SPOCD1: variants seen among roughly 807,000 people sequenced by gnomAD.
SPOCD1 encodes SPOC domain-containing protein 1.
SPOCD1 carries 64 observed loss-of-function variants against 92.2 expected under a neutral mutation model. The observed-to-expected ratio is 0.69, with a 90% confidence interval of 0.57 to 0.86. SPOCD1 has a LOEUF of 0.86. SPOCD1 is among the 40% of genes least tolerant of loss of function. SPOCD1 has a pLI of 0.00. For missense variants in SPOCD1, 1,360 were observed against 1,543.1 expected (o/e 0.88, Z 1.99); for synonymous variants, 578 against 619.3 (o/e 0.93, Z 0.99).
chr1:31,804,783 G>T, intron 2 of SPOCD1, among the ~76,000 whole-genome samples: 1 of 151,874 alleles, frequency 6.6e-6, no homozygotes, highest in East Asian at 1.9e-4. Context: ...TAATAACAGT[G>T]TGTAATTTGG....
intron 15 of SPOCD1, chr1:31,792,008 T>C: frequency 1.6e-6 from 1 of 609,328 alleles, no homozygotes; most frequent in East Asian, 2.8e-5. Context: ...AGAATTCATC[T>C]AGGTAAAGCT....
At position 31,805,048 on chromosome 1, in the gene SPOCD1, CT is replaced by C. The variant is rs1648728668; in HGVS notation, c.1384-3344del. 2.3e-5 allele frequency among the ~76,000 whole-genome samples: 3 copies of C among 132,872 alleles called. No individual in the cohort carries two copies. The Admixed American group carries it at 2.7e-4, about 12-fold the overall frequency. The allele number at this position is 132,872 out of a possible 152,430, so 87.2% of individuals were successfully genotyped here. On this transcript the variant is annotated intron_variant, in intron 2 of 15. Coordinates refer to ENST00000360482, the MANE Select transcript of SPOCD1 (RefSeq NM_144569.7). ...CGAGGCTGGAATGCAGTGGCATGAT[CT>C]TGGCTCACTGCAACCTCCACTTCCC...
rs865802958 is a variant in SPOCD1, at chr1:31,806,360, G to A, written c.1384-4655C>T. Among the ~76,000 whole-genome samples, 33 of 152,028 alleles carry A rather than the reference G, an allele frequency of 2.2e-4. 1 individual carries two copies. In the Middle Eastern group the frequency reaches 0.01, roughly 47 times the overall value. The stretch of plus-strand genomic sequence containing the variant: ...ATATATAAAAATTGAGCAAAGCCTG[G>A]GCCAAAAAGCAAATATCAACAAATT... On this transcript the variant is annotated intron_variant, in intron 2 of 15. Coordinates refer to ENST00000360482, the MANE Select transcript of SPOCD1 (RefSeq NM_144569.7).
intron 2 of SPOCD1, among the ~76,000 whole-genome samples, chr1:31,806,279 G>A (rs34021792): frequency 0.022 from 3,397 of 152,014 alleles, 51 homozygotes; most frequent in Non-Finnish European, 0.032. Context: ...AAATATATAC[G>A]GAATATTAAT....
At position 31,814,860 on chromosome 1, in the gene SPOCD1, C is replaced by G; in HGVS notation, c.474G>C (p.Glu158Asp). Residue 158 changes from glutamate (E) to aspartate (D), a missense_variant, in exon 2 of 16, where the codon GAG (glutamate) becomes GAC (aspartate). Glu to Asp is a conservative substitution (Grantham distance 45, BLOSUM62 2). Around this residue, in one of 3 missense-constraint regions of SPOCD1, gnomAD observed 606 missense variants for 601.5 expected, o/e 1.01. Transcript: ENST00000360482. This position sits in a 1 kb window ranked among gnomAD's most constrained non-coding sequence, Gnocchi z 4.2. Reference protein sequence around the residue: ...ACRERLAGVEEVSCLRPREAR... With the variant: ...ACRERLAGVEDVSCLRPREAR... ...CCTCCCTGGGCCTGAGGCAGCTCAC[C>G]TCCTCCACTCCTGCAAGCCTCTCCC... 6.2e-7 allele frequency: 1 copy of G among 1,613,412 alleles called. No homozygotes were observed. The highest frequency in any genetic ancestry group is 8.5e-7 in the Non-Finnish European group (1 of 1,179,902).
chr1:31,807,697 T>C (rs1196950852), intron 2 of SPOCD1, among the ~76,000 whole-genome samples: 1 of 151,538 alleles, frequency 6.6e-6, no homozygotes, highest in Non-Finnish European at 1.5e-5. Context: ...AAACATATAG[T>C]GGAGAGGATG....
rs780255248 is a variant in SPOCD1 at position 31,814,203 on chromosome 1, C to A, written c.1131G>T (p.Glu377Asp). Reference sequence around the variant, plus strand: ...TGTCAGCGGGGGCAGCGAGTCCTTGCTCCAGCCTTCCCCTGGAAGCTGGCT... The same window carrying A: ...TGTCAGCGGGGGCAGCGAGTCCTTGATCCAGCCTTCCCCTGGAAGCTGGCT... The part of the protein sequence containing the change: ...KAQPASRGRL[E>D]QGLAAPADTC... The change falls in exon 2 of 16, where the codon GAG becomes GAT. Residue 377 changes from glutamate to aspartate, a missense_variant. Around this residue, in one of 3 missense-constraint regions of SPOCD1, gnomAD observed 606 missense variants for 601.5 expected, o/e 1.01. Coordinates refer to ENST00000360482, the MANE Select transcript of SPOCD1 (RefSeq NM_144569.7). This position sits in a 1 kb window ranked among gnomAD's most constrained non-coding sequence, Gnocchi z 4.2. 5 of 1,574,848 alleles carry A rather than the reference C, an allele frequency of 3.2e-6. No individual in the cohort carries two copies. In the East Asian group the frequency reaches 1.1e-4, roughly 36 times the overall value.
Position 31,796,713 on chromosome 1 carries a change from G to A in SPOCD1, c.2148C>T (p.Gly716=), listed in dbSNP as rs1648055769. ...TCTGTTGCTGCTCAATGATATTCAG[G>A]CCCTGAAGAGGTGGAGCAGGCCAAG... ...ARWRDQEEKR[G]LNIIEQQQKE... The change falls in exon 10 of 16, where the codon GGC becomes GGT. Residue 716 remains glycine, a splice_region_variant and synonymous_variant. Transcript: ENST00000360482. The A allele has an allele frequency of 4.3e-6, 7 of 1,614,068 alleles. No homozygotes were observed. The highest frequency in any genetic ancestry group is 5.9e-6 in the Non-Finnish European group (7 of 1,180,046).
intron 11 of SPOCD1, 62 bp from the exon 12 acceptor site, chr1:31,793,959 G>A: frequency 6.4e-7 from 1 of 1,567,022 alleles, no homozygotes; most frequent in Non-Finnish European, 8.7e-7. Context: ...CCAGCCCAGG[G>A]CTTTAGAGCC....
intron 2 of SPOCD1, 140 bp from the exon 3 acceptor site, chr1:31,801,845 T>C (rs1200098345): frequency 2.7e-6 from 2 of 749,866 alleles, no homozygotes; most frequent in East Asian, 2.5e-5. Context: ...CAAAAAGTTG[T>C]CCATCAAAGG....
chr1:31,792,351 G>C lies in SPOCD1; in HGVS notation c.2826C>G (p.Asn942Lys). The C allele has an allele frequency of 6.2e-7, 1 of 1,613,994 alleles. No homozygotes were observed. The change falls in exon 15 of 16, where the codon AAC becomes AAG. Residue 942 changes from asparagine (N) to lysine (K), a missense_variant. By Grantham distance (94) the Asn-to-Lys change is moderately conservative. Around this residue, in one of 3 missense-constraint regions of SPOCD1, gnomAD observed 614 missense variants for 757.8 expected, o/e 0.81. Coordinates refer to ENST00000360482, the MANE Select transcript of SPOCD1 (RefSeq NM_144569.7). Reference protein sequence around the residue: ...LCPHGARDTQNCRLLYSYLND... With the variant: ...LCPHGARDTQKCRLLYSYLND... ...TGAGGTATGAGTAGAGCAGGCGGCA[G>C]TTCTGGGTGTCCCGGGCCCCATGTG...
Position 31,790,675 on chromosome 1 carries a change from G to A in SPOCD1, c.3579C>T (p.Gly1193=), listed in dbSNP as rs1327750478. The A allele has an allele frequency of 6.4e-7, 1 of 1,551,970 alleles. No individual in the cohort carries two copies. Among genetic ancestry groups the A allele is most frequent in the African/African-American group, 1.4e-5 (1 of 73,192 alleles). ...SSALAAPEPP[G]PARDSSLGPT... ...GCCCCAAAGAGGAGTCACGGGCTGGGCCAGGGGGCTCTGGAGCTGCAAGGG... is the reference window on the plus strand; with the variant it reads ...GCCCCAAAGAGGAGTCACGGGCTGGACCAGGGGGCTCTGGAGCTGCAAGGG... Residue 1193 remains glycine, a synonymous_variant, in exon 16 of 16, where the codon GGC becomes GGT. Coordinates refer to ENST00000360482, the MANE Select transcript of SPOCD1 (RefSeq NM_144569.7).
chr1:31,798,179 A>C lies in SPOCD1; in HGVS notation c.2145+28T>G. 1.3e-6 allele frequency: 2 copies of C among 1,560,826 alleles called. No homozygotes were observed. Among genetic ancestry groups the C allele is most frequent in the Non-Finnish European group, 1.8e-6 (2 of 1,133,132 alleles). Reference sequence around the variant, plus strand: ...ACCCACTCTGCCCCTACATCCCCTCACCCATCCCGACTGGGCTCAGCACTC... The same window carrying C: ...ACCCACTCTGCCCCTACATCCCCTCCCCCATCCCGACTGGGCTCAGCACTC... On this transcript the variant is annotated intron_variant, in intron 9 of 15. Coordinates refer to ENST00000360482, the MANE Select transcript of SPOCD1 (RefSeq NM_144569.7). The surrounding 1 kb of genome is among the most constrained non-coding windows in gnomAD (Gnocchi z 4.1).
At chr1:31,794,286 C>A (rs756638266) in intron 10 of SPOCD1, 51 bp from the exon 11 acceptor site, 2 of 1,439,898 alleles carry the variant, frequency 1.4e-6, no homozygotes, top group Admixed American at 1.8e-5. Flanking sequence ...TGGGGGTGCC[C>A]GGAGGCCTCC....
rs765297923 is a variant in SPOCD1 at position 31,792,297 on chromosome 1, A to G, written c.2880T>C (p.Ser960=). The change falls in exon 15 of 16, where the codon TCT becomes TCC. Residue 960 remains serine (S), a synonymous_variant. Coordinates refer to ENST00000360482, the MANE Select transcript of SPOCD1 (RefSeq NM_144569.7). ...GCAGGACCATCCCCATGTGCTCCAC[A>G]GAGGCCAGCCCGTGGCGCTGCCTAT... ...LNDRQRHGLA[S]VEHMGMVLLP... 3.1e-6 allele frequency: 5 copies of G among 1,613,740 alleles called. No homozygotes were observed. The East Asian group carries it at 8.9e-5, about 29-fold the overall frequency.
At chr1:31,807,423 GGGAAGAGAA>G in intron 2 of SPOCD1, among the ~76,000 whole-genome samples, 2 of 35,928 alleles carry the variant, frequency 5.6e-5, no homozygotes, top group Non-Finnish European at 5.6e-5. Context: ...GGGAGGGGGA[GGGAAGAGAA>G]GGGGAGGGAA....
chr1:31,791,015 G>A lies in SPOCD1; in HGVS notation c.3239C>T (p.Pro1080Leu). Residue 1080 changes from proline (P) to leucine (L), a missense_variant, in exon 16 of 16, where the codon CCA becomes CTA. Pro to Leu is a moderately conservative substitution (Grantham distance 98). Around this residue, in one of 3 missense-constraint regions of SPOCD1, gnomAD observed 614 missense variants for 757.8 expected, o/e 0.81. Coordinates refer to ENST00000360482, the MANE Select transcript of SPOCD1 (RefSeq NM_144569.7). The part of the protein sequence containing the change: ...QQSQGRGSIA[P>L]RGISAWQRPP... ...CCTCTGCCAAGCAGAGATTCCCCTTGGAGCTATACTGCCCCTGCCCTGGCT... is the reference window on the plus strand; with the variant it reads ...CCTCTGCCAAGCAGAGATTCCCCTTAGAGCTATACTGCCCCTGCCCTGGCT... 1 of 1,605,306 alleles carries A rather than the reference G, an allele frequency of 6.2e-7. No homozygotes were observed. The highest frequency in any genetic ancestry group is 1.1e-5 in the South Asian group (1 of 90,014).
Position 31,791,248 on chromosome 1 carries a change from CAG to C in SPOCD1, c.3004_3005del (p.Leu1002GlyfsTer40). 1 of 1,576,938 alleles carries C rather than the reference CAG, an allele frequency of 6.3e-7. No individual in the cohort carries two copies. Among genetic ancestry groups the C allele is most frequent in the Non-Finnish European group, 8.6e-7 (1 of 1,159,780 alleles). ...GCAACAGACTTGAGTGAGTGACCTC[CAG>C]ACCTGGGGAAAGGAGAGGGGAGACA... Reference protein sequence around the residue: ...LPVSPLLSPGLEVTHSSLLLA... With the variant: ...LPVSPLLSPGXEVTHSSLLLA... On this transcript the variant is annotated frameshift_variant, in exon 16 of 16. Coordinates refer to ENST00000360482, the MANE Select transcript of SPOCD1 (RefSeq NM_144569.7). LOFTEE classifies it low-confidence loss of function (END_TRUNC).
At chr1:31,810,724 C>G (rs908017219) in intron 2 of SPOCD1, among the ~76,000 whole-genome samples, 42 of 152,214 alleles carry the variant, frequency 2.8e-4, no homozygotes, top group African/African-American at 9.4e-4. Flanking sequence ...AGTAGGCACA[C>G]TAATGAAACG....
Sources: gnomAD v4.1 joint callset for allele counts (sites outside exome capture counted in the v4.1 genomes callset) on GRCh38, gnomAD v4.1.1 for gene constraint, gnomAD v4.1.1 regional missense constraint, Gnocchi (gnomAD v3.1) non-coding constraint, MANE v1.5 for transcripts, NCBI Gene and HGNC (gene_info 2026-07-23, HGNC 2026-07-21) for gene names.